WDR7: variants seen among roughly 807,000 people sequenced by gnomAD.
WDR7 encodes WD repeat domain 7.
A neutral mutation model predicts 169.4 loss-of-function variants in WDR7; 46 were observed. That is an observed-to-expected ratio of 0.27 (90% CI 0.21 to 0.35). WDR7 has a LOEUF of 0.35. Among genes scored for constraint, WDR7 ranks in the 10% least tolerant of loss-of-function variants. The pLI is 1.00. For synonymous variants in WDR7, 612 were observed against 666.8 expected (o/e 0.92, Z 1.27); for missense variants, 1,534 against 1,859.3 (o/e 0.83, Z 3.22).
intron 21 of WDR7, among the ~76,000 whole-genome samples, chr18:56,900,557 T>C (rs544553128): frequency 1.3e-5 from 2 of 152,266 alleles, no homozygotes; most frequent in East Asian, 3.9e-4. Flanking sequence ...CTACCTCGTC[T>C]AGGGTGCGGA....
chr18:56,961,767 G>A (rs577280513), intron 25 of WDR7, among the ~76,000 whole-genome samples: 1 of 152,044 alleles, frequency 6.6e-6, no homozygotes, highest in Non-Finnish European at 1.5e-5. Flanking sequence ...TGCAATATAA[G>A]TACCAAATAT....
chr18:56,717,862 G>A, intron 12 of WDR7, 102 bp from the exon 13 acceptor site: 2 of 1,150,552 alleles, frequency 1.7e-6, no homozygotes, highest in South Asian at 2.0e-5. Flanking sequence ...GTTTTTCAGT[G>A]GCAGCAAATG....
At chr18:56,800,825 T>C (rs1221910383) in intron 19 of WDR7, among the ~76,000 whole-genome samples, 1 of 152,212 alleles carries the variant, frequency 6.6e-6, no homozygotes, top group Non-Finnish European at 1.5e-5. Flanking sequence ...ATCTGTATTT[T>C]CCCTGCCTTC....
intron 21 of WDR7, among the ~76,000 whole-genome samples, chr18:56,909,631 C>T (rs1032140196): frequency 3.3e-5 from 5 of 151,470 alleles, no homozygotes; most frequent in East Asian, 1.9e-4. Context: ...AAGTGAATAC[C>T]GTATTATGTT....
intron 16 of WDR7, among the ~76,000 whole-genome samples, chr18:56,776,486 A>G (rs1240665391): frequency 6.6e-6 from 1 of 152,130 alleles, no homozygotes; most frequent in Non-Finnish European, 1.5e-5. Flanking sequence ...TCATTTTTTC[A>G]TGATGGCTCT....
chr18:56,905,022 A>G (rs1424424432), intron 21 of WDR7, among the ~76,000 whole-genome samples: 1 of 152,244 alleles, frequency 6.6e-6, no homozygotes, highest in Non-Finnish European at 1.5e-5. Context: ...CTTAGAGAGT[A>G]TGAAAAAGGT....
chr18:56,769,132 G>GA (rs2044113380), intron 16 of WDR7, among the ~76,000 whole-genome samples: 1 of 151,376 alleles, frequency 6.6e-6, no homozygotes, highest in South Asian at 2.1e-4. Flanking sequence ...TGCTACTTGA[G>GA]AAAAAGGGAT....
At chr18:56,822,841 T>C (rs1599074736) in intron 20 of WDR7, among the ~76,000 whole-genome samples, 1 of 152,172 alleles carries the variant, frequency 6.6e-6, no homozygotes, top group East Asian at 1.9e-4. Context: ...TGAAAACAGA[T>C]ATTAAGAAAA....
At chr18:56,900,330 C>T (rs1392627853) in intron 21 of WDR7, among the ~76,000 whole-genome samples, 8 of 151,972 alleles carry the variant, frequency 5.3e-5, no homozygotes, top group Middle Eastern at 3.4e-3. Context: ...GAAGTAAAAG[C>T]GGTTACTTTA....
chr18:56,826,426 T>C (rs1310895902), intron 20 of WDR7, among the ~76,000 whole-genome samples: 1 of 152,212 alleles, frequency 6.6e-6, no homozygotes, highest in Non-Finnish European at 1.5e-5. Flanking sequence ...TTCATAGTCA[T>C]TTTTAATACA....
chr18:56,886,979 A>G (rs2046205403), intron 21 of WDR7, among the ~76,000 whole-genome samples: 1 of 152,138 alleles, frequency 6.6e-6, no homozygotes, highest in Admixed American at 6.5e-5. Flanking sequence ...TTATAAAACA[A>G]TTACTACTAG....
intron 1 of WDR7, among the ~76,000 whole-genome samples, chr18:56,656,196 GTACCATTTTACATTTCTACCAGGA>G (rs1399141650): frequency 6.6e-6 from 1 of 151,274 alleles, no homozygotes; most frequent in Non-Finnish European, 1.5e-5. Flanking sequence ...TGGAGTGGTT[GTACCATTTTACATTTCTACCAGGA>G]ATGTATGAGA....
chr18:56,950,689 G>A (rs949521684), intron 25 of WDR7, among the ~76,000 whole-genome samples: 6 of 152,064 alleles, frequency 3.9e-5, no homozygotes, highest in African/African-American at 1.2e-4. Context: ...GGAAAACTAA[G>A]GCTACGTTTC....
intron 23 of WDR7, among the ~76,000 whole-genome samples, chr18:56,936,566 T>C (rs1043924429): frequency 6.6e-6 from 1 of 152,198 alleles, no homozygotes; most frequent in Non-Finnish European, 1.5e-5. Context: ...CCATGGGGTA[T>C]GGGCTCTGTC....
intron 20 of WDR7, among the ~76,000 whole-genome samples, chr18:56,829,243 G>A (rs1167256205): frequency 6.7e-6 from 1 of 149,600 alleles, no homozygotes; most frequent in African/African-American, 2.5e-5. Flanking sequence ...GGGTGACAGA[G>A]GGAGGCCTTC....
chr18:56,769,632 G>A (rs1452260446), intron 16 of WDR7, among the ~76,000 whole-genome samples: 1 of 152,172 alleles, frequency 6.6e-6, no homozygotes, highest in Non-Finnish European at 1.5e-5. Context: ...TACTCAGTGG[G>A]AGGTGCCCAA....
intron 14 of WDR7, among the ~76,000 whole-genome samples, chr18:56,738,937 A>T (rs547104508): frequency 6.6e-6 from 1 of 151,548 alleles, no homozygotes; most frequent in South Asian, 2.1e-4. Context: ...ATTGGTTATA[A>T]TAATGCGTTC....
chr18:56,862,429 T>G (rs2045820257), intron 20 of WDR7, among the ~76,000 whole-genome samples: 2 of 151,490 alleles, frequency 1.3e-5, no homozygotes, highest in South Asian at 4.2e-4. Context: ...AACTCTTAAA[T>G]TCAACATAGC....
chr18:56,903,473 G>T (rs2046431346), intron 21 of WDR7, among the ~76,000 whole-genome samples: 1 of 152,048 alleles, frequency 6.6e-6, no homozygotes, highest in Non-Finnish European at 1.5e-5. Context: ...AGGCTGGAAT[G>T]CAGTGACGTG....
Sources: allele counts gnomAD v4.1 joint callset (sites outside exome capture counted in the v4.1 genomes callset), GRCh38; gene constraint gnomAD v4.1.1; transcripts MANE v1.5; gene names NCBI Gene and HGNC (gene_info 2026-07-23, HGNC 2026-07-21).